The following AKAP13 variants were observed in gnomAD, a reference collection of about 807,000 sequenced individuals.
AKAP13 encodes A-kinase anchor protein 13.
In AKAP13, 80 loss-of-function variants were observed where a neutral mutation model predicts 264.5. That is an observed-to-expected ratio of 0.30 (90% CI 0.25 to 0.36). The LOEUF (loss-of-function observed/expected upper bound fraction) is 0.36, where lower values mean the gene tolerates loss of function less well. AKAP13 is among the 10% of genes least tolerant of loss of function. AKAP13 has a pLI of 1.00. For synonymous variants in AKAP13, 1,380 were observed against 1,250.2 expected (o/e 1.10, Z -2.19); for missense variants, 3,712 against 3,435.2 (o/e 1.08, Z -2.01).
At chr15:85,639,564 G>T in intron 9 of AKAP13, 115 bp downstream of exon 9, 1 of 775,126 alleles carries the variant, frequency 1.3e-6, no homozygotes, top group Non-Finnish European at 2.2e-6. Flanking sequence ...AGGAAGGGAT[G>T]TATGTGATCT....
At chr15:85,711,514 T>G (rs2086633527) in intron 19 of AKAP13, among the ~76,000 whole-genome samples, 1 of 152,238 alleles carries the variant, frequency 6.6e-6, no homozygotes, top group African/African-American at 2.4e-5. Context: ...TGCTTATTTT[T>G]TTCACTCAAT....
intron 1 of AKAP13, among the ~76,000 whole-genome samples, chr15:85,478,513 A>G (rs1349959573): frequency 6.6e-6 from 1 of 152,168 alleles, no homozygotes; most frequent in Non-Finnish European, 1.5e-5. Flanking sequence ...GTTTGGCCCA[A>G]ACTCAGGATC....
chr15:85,744,152 C>G (rs900258694), intron 36 of AKAP13: 1 of 341,404 alleles, frequency 2.9e-6, no homozygotes, highest in African/African-American at 2.1e-5. Flanking sequence ...TTGGTAACAG[C>G]TAGCATTTGG....
At chr15:85,715,090 TTTTG>T (rs994229222) in intron 19 of AKAP13, among the ~76,000 whole-genome samples, 15 of 152,224 alleles carry the variant, frequency 9.9e-5, no homozygotes, top group East Asian at 1.9e-4. Context: ...TCTTAGTTTT[TTTTG>T]TTTATTTTCC....
chr15:85,718,952 T>C lies in AKAP13; in HGVS notation c.6002-124T>C. ...AGAACACTTTTAGGGGAAAGATAGCTGTTGACCCAATTTTAAGGTTCAAAT... is the reference window on the plus strand; with the variant it reads ...AGAACACTTTTAGGGGAAAGATAGCCGTTGACCCAATTTTAAGGTTCAAAT... On this transcript the variant is annotated intron_variant, in intron 22 of 36. Coordinates refer to ENST00000394518, the MANE Select transcript of AKAP13 (RefSeq NM_007200.5). The surrounding 1 kb of genome is among the most constrained non-coding windows in gnomAD (Gnocchi z 4.9). 3.0e-6 allele frequency: 4 copies of C among 1,341,772 alleles called. No homozygotes were observed. Among genetic ancestry groups the C allele is most frequent in the Non-Finnish European group, 4.1e-6 (4 of 986,194 alleles). 83.1% of individuals were successfully genotyped at this position (1,341,772 alleles called of 1,614,324 possible). A position where few individuals can be genotyped will look rare whatever the true frequency, so the allele number is the denominator to read the frequency against.
intron 10 of AKAP13, among the ~76,000 whole-genome samples, chr15:85,649,288 C>T (rs1383637373): frequency 2.6e-5 from 4 of 152,152 alleles, no homozygotes; most frequent in Non-Finnish European, 5.9e-5. Flanking sequence ...CTAGGCCTGA[C>T]TCTAAAATCT....
chr15:85,687,154 G>A (rs1187882835), intron 16 of AKAP13, among the ~76,000 whole-genome samples: 1 of 152,152 alleles, frequency 6.6e-6, no homozygotes, highest in Admixed American at 6.5e-5. Context: ...AAAAGTCTCA[G>A]CCCTCAGCCT....
At chr15:85,501,410 A>C (rs1366414748) in intron 2 of AKAP13, among the ~76,000 whole-genome samples, 1 of 152,224 alleles carries the variant, frequency 6.6e-6, no homozygotes, top group Non-Finnish European at 1.5e-5. Flanking sequence ...AGACAGAGAT[A>C]GGTGTTTTTA....
intron 1 of AKAP13, among the ~76,000 whole-genome samples, chr15:85,484,321 G>A (rs1360407885): frequency 3.3e-5 from 5 of 152,166 alleles, no homozygotes; most frequent in African/African-American, 1.2e-4. Context: ...CCTTTCTCAA[G>A]CTTGGTTTTC....
intron 8 of AKAP13, among the ~76,000 whole-genome samples, chr15:85,632,872 T>G (rs200991779): frequency 1.3e-3 from 1 of 790 alleles, no homozygotes; most frequent in African/African-American, 0.024. Context: ...AGAAATAAAA[T>G]TTTTTTTTTT....
Position 85,727,484 on chromosome 15 carries a change from T to G in AKAP13, c.7087+21T>G, listed in dbSNP as rs1224702901. The stretch of plus-strand genomic sequence containing the variant: ...AAAAGGTGAGGCATTGCGAGTGGTC[T>G]GAGCCCCTTGTCTGGAATGTCTGCA... On this transcript the variant is annotated intron_variant, in intron 29 of 36. Transcript: ENST00000394518. This position sits in a 1 kb window ranked among gnomAD's most constrained non-coding sequence, Gnocchi z 5.3. The G allele has an allele frequency of 1.2e-6, 2 of 1,612,942 alleles. No individual in the cohort carries two copies. The highest frequency in any genetic ancestry group is 2.2e-5 in the South Asian group (2 of 91,002).
intron 19 of AKAP13, among the ~76,000 whole-genome samples, chr15:85,713,827 A>T (rs2086765885): frequency 6.6e-6 from 1 of 152,148 alleles, no homozygotes; most frequent in South Asian, 2.1e-4. Context: ...GGATGGACAG[A>T]TAATGCAACC....
chr15:85,571,478 T>C (rs2078817538), intron 5 of AKAP13, among the ~76,000 whole-genome samples: 1 of 152,216 alleles, frequency 6.6e-6, no homozygotes, highest in African/African-American at 2.4e-5. Flanking sequence ...TTCTTATGCA[T>C]AGAGTTTTGC....
chr15:85,597,963 C>T (rs531303359), intron 8 of AKAP13, among the ~76,000 whole-genome samples: 103 of 151,994 alleles, frequency 6.8e-4, no homozygotes, highest in African/African-American at 2.4e-3. Context: ...AGATCCTGGT[C>T]GCTCTGGGAA....
chr15:85,575,225 T>C lies in AKAP13; in HGVS notation c.757T>C (p.Tyr253His). Residue 253 changes from tyrosine to histidine, a missense_variant, in exon 6 of 37, where the codon TAT becomes CAT. By Grantham distance (83) the Tyr-to-His change is moderately conservative (BLOSUM62 2). This residue lies in a region of AKAP13 where 2,759 missense variants were observed against 2,411.7 expected (regional missense o/e 1.14). Coordinates refer to ENST00000394518, the MANE Select transcript of AKAP13 (RefSeq NM_007200.5). ...SVRHHRELDI[Y>H]TLTSESDSHH... ...GAGGCATCATCGAGAGTTGGACATC[T>C]ATACATTAACCTCTGAGTCTGATTC... is the stretch of plus-strand genomic sequence containing the variant. 1 of 1,614,210 alleles carries C rather than the reference T, an allele frequency of 6.2e-7. No individual in the cohort carries two copies. The highest frequency in any genetic ancestry group is 8.5e-7 in the Non-Finnish European group (1 of 1,180,028).
intron 5 of AKAP13, among the ~76,000 whole-genome samples, chr15:85,557,890 C>T (rs1459295419): frequency 6.6e-6 from 1 of 152,172 alleles, no homozygotes; most frequent in Non-Finnish European, 1.5e-5. Flanking sequence ...AATACTCTTG[C>T]TATTGTTCAG....
intron 1 of AKAP13, among the ~76,000 whole-genome samples, chr15:85,382,733 C>T (rs912672095): frequency 5.9e-5 from 9 of 152,232 alleles, no homozygotes; most frequent in African/African-American, 1.9e-4. Context: ...AGTCCTTTAA[C>T]TCCTTGAGGG....
chr15:85,694,153 A>G (rs958952349), intron 17 of AKAP13, among the ~76,000 whole-genome samples: 2 of 152,170 alleles, frequency 1.3e-5, no homozygotes, highest in South Asian at 2.1e-4. Context: ...TTTTTATTCT[A>G]TTACTTTGGT....
Position 85,718,007 on chromosome 15 carries a change from G to T in AKAP13, c.5849G>T (p.Gly1950Val). ...GATATTGATTTTTTGATATATTGAGGAGTAGGTACAGACATGAATGAAGGA... is the reference window on the plus strand; with the variant it reads ...GATATTGATTTTTTGATATATTGAGTAGTAGGTACAGACATGAATGAAGGA... ...NESTESLTDE[G>V]VGTDMNEGQL... Residue 1950 changes from glycine to valine, a missense_variant and splice_region_variant, in exon 22 of 37, where the codon GGA becomes GTA. Physicochemically the swap from Gly to Val is moderately radical, Grantham distance 109. Transcript: ENST00000394518. This position sits in a 1 kb window ranked among gnomAD's most constrained non-coding sequence, Gnocchi z 4.9. The T allele has an allele frequency of 6.2e-7, 1 of 1,613,408 alleles. No individual in the cohort carries two copies. Among genetic ancestry groups the T allele is most frequent in the South Asian group, 1.1e-5 (1 of 91,020 alleles).
Sources: gnomAD v4.1 joint callset for allele counts (sites outside exome capture counted in the v4.1 genomes callset) on GRCh38, gnomAD v4.1.1 for gene constraint, gnomAD v4.1.1 regional missense constraint, Gnocchi (gnomAD v3.1) non-coding constraint, MANE v1.5 for transcripts, NCBI Gene and HGNC (gene_info 2026-07-23, HGNC 2026-07-21) for gene names.